The following ADGRL2 variants were observed in gnomAD, a reference collection of about 807,000 sequenced individuals.
The protein encoded by ADGRL2 is adhesion G protein-coupled receptor L2.
A neutral mutation model predicts 157.4 loss-of-function variants in ADGRL2; 44 were observed. The ratio of observed to expected loss-of-function variants is 0.28; its 90% CI spans 0.22 to 0.36. The LOEUF (loss-of-function observed/expected upper bound fraction) is 0.36, where lower values mean the gene tolerates loss of function less well. Among genes scored for constraint, ADGRL2 ranks in the 10% least tolerant of loss-of-function variants. ADGRL2 has a pLI of 1.00. For missense variants in ADGRL2, 1,510 were observed against 1,768.9 expected, an observed-to-expected ratio of 0.85 and a Z score of 2.63; for synonymous variants, 585 against 624.7, an observed-to-expected ratio of 0.94 and a Z score of 0.95.
At chr1:81,344,973 T>G (rs1046686409) in intron 1 of ADGRL2, among the ~76,000 whole-genome samples, 2 of 152,168 alleles carry the variant, frequency 1.3e-5, no homozygotes, top group African/African-American at 4.8e-5. Flanking sequence ...AAATCTGATT[T>G]TGTGACACTG....
chr1:81,526,739 C>G (rs557815261), intron 2 of ADGRL2, among the ~76,000 whole-genome samples: 1 of 152,312 alleles, frequency 6.6e-6, no homozygotes, highest in East Asian at 1.9e-4. Flanking sequence ...TTGCTATTAC[C>G]TGTGTCAGTA....
intron 1 of ADGRL2, among the ~76,000 whole-genome samples, chr1:81,827,749 G>A (rs1395644931): frequency 6.6e-6 from 1 of 152,028 alleles, no homozygotes; most frequent in East Asian, 1.9e-4. Context: ...ATTTTTAGTA[G>A]AGATGGGATT....
intron 1 of ADGRL2, among the ~76,000 whole-genome samples, chr1:81,312,043 A>G (rs933950016): frequency 6.6e-6 from 1 of 152,198 alleles, no homozygotes; most frequent in Non-Finnish European, 1.5e-5. Flanking sequence ...TATAAATGAA[A>G]TGGAAATAAT....
chr1:81,979,740 T>C lies in ADGRL2; in HGVS notation c.3022-129T>C. The stretch of plus-strand genomic sequence containing the variant: ...GAGTATTTTTTATGTAGACTCAACT[T>C]GATCATTGCATACATAAAAAAAATT... On this transcript the variant is annotated intron_variant, in intron 17 of 23. Coordinates refer to ENST00000686636, the MANE Select transcript of ADGRL2 (RefSeq NM_001366006.2). 5.2e-6 allele frequency: 3 copies of C among 579,550 alleles called. No homozygotes were observed. The South Asian group carries it at 7.1e-5, about 14-fold the overall frequency. 35.9% of individuals were successfully genotyped at this position (579,550 alleles called of 1,614,324 possible). A position where few individuals can be genotyped will look rare whatever the true frequency, so the allele number is the denominator to read the frequency against.
chr1:81,888,044 A>G (rs1287278228), intron 2 of ADGRL2, among the ~76,000 whole-genome samples: 7 of 152,190 alleles, frequency 4.6e-5, no homozygotes, highest in African/African-American at 1.7e-4. Flanking sequence ...ATTTATCTTA[A>G]AAGACCAGGG....
intron 2 of ADGRL2, among the ~76,000 whole-genome samples, chr1:81,459,174 G>A (rs892771452): frequency 6.6e-6 from 1 of 152,168 alleles, no homozygotes; most frequent in East Asian, 1.9e-4. Context: ...AGGCAACAAG[G>A]AAGTTCTCAC....
At position 81,314,820 on chromosome 1, in the gene ADGRL2, C is replaced by G. The variant is rs116778495; in HGVS notation, c.-302+8311C>G. Among the ~76,000 whole-genome samples, 1,407 of 152,264 alleles carry G rather than the reference C, an allele frequency of 9.2e-3. 17 individuals are homozygous for G. The highest frequency in any genetic ancestry group is 0.031 in the African/African-American group (1,269 of 41,558). On this transcript the variant is annotated intron_variant, in intron 1 of 24. Transcript: ENST00000370721. ...TGAATATTCAGGCACAGTTTGCCAA[C>G]TCCTCTGAAAAATAATCTTGTCTGA...
chr1:81,913,876 ATAACTT>A (rs1168098734), intron 3 of ADGRL2, among the ~76,000 whole-genome samples: 3 of 152,142 alleles, frequency 2.0e-5, no homozygotes, highest in Admixed American at 2.0e-4. Flanking sequence ...GTATTCATAA[ATAACTT>A]TGAAGTTCAG....
chr1:81,787,713 A>G (rs930677356), intron 2 of ADGRL2, among the ~76,000 whole-genome samples: 1 of 152,014 alleles, frequency 6.6e-6, no homozygotes, highest in Admixed American at 6.6e-5. Flanking sequence ...GGAAGTGGTG[A>G]CAGGTGGGGA....
chr1:81,425,153 T>C (rs749411411), intron 1 of ADGRL2, among the ~76,000 whole-genome samples: 9 of 152,352 alleles, frequency 5.9e-5, no homozygotes, highest in Non-Finnish European at 1.3e-4. Context: ...GAAAGAAATT[T>C]CAAAAGATCT....
chr1:81,640,791 A>C (rs939964188), intron 3 of ADGRL2, among the ~76,000 whole-genome samples: 4 of 152,102 alleles, frequency 2.6e-5, no homozygotes, highest in Non-Finnish European at 5.9e-5. Context: ...CTGCTATCCA[A>C]CCTTCCAAAA....
Position 81,618,532 on chromosome 1 carries a change from G to A in ADGRL2, c.-143+37552G>A, listed in dbSNP as rs192375320. Among the ~76,000 whole-genome samples the A allele has an allele frequency of 6.8e-4, 104 of 152,294 alleles. 1 individual carries two copies. The highest frequency in any genetic ancestry group is 2.3e-3 in the African/African-American group (94 of 41,562). On this transcript the variant is annotated intron_variant, in intron 3 of 24. Transcript: ENST00000370721. ...GTTTTTTTTCCTTGGTCTGAGGTTG[G>A]AGCATAAGAACAAAATAGCTCTTTT... is the stretch of plus-strand genomic sequence containing the variant.
intron 1 of ADGRL2, among the ~76,000 whole-genome samples, chr1:81,720,397 T>C (rs1215512188): frequency 6.6e-6 from 1 of 151,852 alleles, no homozygotes; most frequent in Non-Finnish European, 1.5e-5. Flanking sequence ...CTCAAACTCC[T>C]GAGCTCAAAG....
At chr1:81,674,562 A>C (rs2082945891) in intron 3 of ADGRL2, among the ~76,000 whole-genome samples, 1 of 152,238 alleles carries the variant, frequency 6.6e-6, no homozygotes, top group South Asian at 2.1e-4. Flanking sequence ...TGTTGCAATT[A>C]GGAGAGAAAG....
At chr1:81,937,931 A>G (rs946545119) in intron 4 of ADGRL2, among the ~76,000 whole-genome samples, 13 of 151,868 alleles carry the variant, frequency 8.6e-5, no homozygotes, top group Admixed American at 7.2e-4. Flanking sequence ...ACATTCTGAC[A>G]CATGCTGTGA....
chr1:81,620,626 A>G (rs1472155677), intron 3 of ADGRL2, among the ~76,000 whole-genome samples: 2 of 152,192 alleles, frequency 1.3e-5, no homozygotes, highest in African/African-American at 2.4e-5. Context: ...AGTTTAACCA[A>G]TTAAGGAAAC....
chr1:81,397,936 G>T (rs918947026), intron 1 of ADGRL2, among the ~76,000 whole-genome samples: 2 of 152,078 alleles, frequency 1.3e-5, no homozygotes, highest in Admixed American at 1.3e-4. Context: ...GACTATTATT[G>T]TACTCTAATC....
intron 2 of ADGRL2, among the ~76,000 whole-genome samples, chr1:81,488,836 G>C (rs1381909235): frequency 6.6e-6 from 1 of 151,948 alleles, no homozygotes; most frequent in African/African-American, 2.4e-5. Context: ...ATGTCTACTA[G>C]ATAAAGACTT....
chr1:81,517,446 C>T (rs1265842550), intron 2 of ADGRL2, among the ~76,000 whole-genome samples: 1 of 115,348 alleles, frequency 8.7e-6, no homozygotes, highest in Admixed American at 1.3e-4. Context: ...GCCTGGGCGA[C>T]AGAGCGAGAC....
Sources: allele counts gnomAD v4.1 joint callset (sites outside exome capture counted in the v4.1 genomes callset), GRCh38; gene constraint gnomAD v4.1.1; transcripts MANE v1.5; gene names NCBI Gene and HGNC (gene_info 2026-07-23, HGNC 2026-07-21).